Variants in DDC observed in about 807,000 individuals in gnomAD.
DDC encodes aromatic-L-amino-acid decarboxylase.
DDC carries 43 observed loss-of-function variants against 60.0 expected under a neutral mutation model. The observed-to-expected ratio is 0.72, with a 90% CI of 0.56 to 0.92. DDC has a LOEUF of 0.92. DDC is among the 40% of genes least tolerant of loss of function. DDC has a pLI of 0.00. For missense variants in DDC, 573 were observed against 620.2 expected, an observed-to-expected ratio of 0.92 and a Z score of 0.81; for synonymous variants, 232 against 234.6, an observed-to-expected ratio of 0.99 and a Z score of 0.10.
At chr7:50,498,429 T>C (rs2043172417) in intron 8 of DDC, among the ~76,000 whole-genome samples, 1 of 152,228 alleles carries the variant, frequency 6.6e-6, no homozygotes, top group African/African-American at 2.4e-5. Context: ...GGACCCTCTA[T>C]GGCATTCAAA....
chr7:50,529,874 C>T (rs2044148990), intron 4 of DDC, among the ~76,000 whole-genome samples: 2 of 152,212 alleles, frequency 1.3e-5, no homozygotes, highest in East Asian at 1.9e-4. Flanking sequence ...AGCCCTAACC[C>T]CCAGGACCTC....
chr7:50,495,456 T>A lies in DDC; in HGVS notation c.877-39A>T, dbSNP rs374077058. On this transcript the variant is annotated intron_variant, in intron 8 of 14. Coordinates refer to ENST00000444124, the MANE Select transcript of DDC (RefSeq NM_001082971.2). The stretch of plus-strand genomic sequence containing the variant: ...AGAGTAAGAAAAAGAAAACATTTTC[T>A]TTATAAATGTTTAATTATAAAGAAG... 25 of 1,444,284 alleles carry A rather than the reference T, an allele frequency of 1.7e-5. No individual in the cohort carries two copies. The African/African-American group carries it at 3.2e-4, about 19-fold the overall frequency. 89.5% of individuals were successfully genotyped at this position (1,444,284 alleles called of 1,614,324 possible).
intron 14 of DDC, among the ~76,000 whole-genome samples, 152 bp downstream of exon 14, chr7:50,463,061 C>T (rs2042318050): frequency 2.0e-5 from 3 of 152,244 alleles, no homozygotes; most frequent in Admixed American, 1.3e-4. Context: ...AGCCACCGCA[C>T]CCGGCCTTCT....
chr7:50,467,062 G>GGGGCA, intron 13 of DDC, 152 bp downstream of exon 13: 2 of 772,626 alleles, frequency 2.6e-6, no homozygotes, highest in South Asian at 1.4e-5. Flanking sequence ...TGTGTAGCAT[G>GGGGCA]GGGCAGGGCA....
intron 13 of DDC, among the ~76,000 whole-genome samples, chr7:50,464,126 T>C (rs554105890): frequency 7.9e-5 from 12 of 152,100 alleles, no homozygotes; most frequent in Admixed American, 6.5e-5. Context: ...AGTGACTCCA[T>C]GTCTTCTAAG....
At chr7:50,471,588 A>G (rs1036381380) in intron 11 of DDC, among the ~76,000 whole-genome samples, 2 of 152,086 alleles carry the variant, frequency 1.3e-5, no homozygotes, top group African/African-American at 2.4e-5. Context: ...GTGTTGACAC[A>G]TTATCTCCTT....
chr7:50,471,549 C>T (rs944083304), intron 11 of DDC, among the ~76,000 whole-genome samples: 2 of 152,082 alleles, frequency 1.3e-5, no homozygotes, highest in Non-Finnish European at 2.9e-5. Flanking sequence ...GTGTGGTTCC[C>T]CCCAGTTGCA....
At chr7:50,481,212 T>C (rs1041000542) in intron 9 of DDC, among the ~76,000 whole-genome samples, 1 of 152,242 alleles carries the variant, frequency 6.6e-6, no homozygotes, top group African/African-American at 2.4e-5. Flanking sequence ...GCCTTTATTT[T>C]TGTTTTAAGG....
intron 1 of DDC, among the ~76,000 whole-genome samples, chr7:50,553,278 G>GA (rs1258337861): frequency 1.3e-5 from 2 of 151,784 alleles, no homozygotes; most frequent in East Asian, 1.9e-4. Flanking sequence ...CCATCCTGAT[G>GA]AAAAAAATAG....
At chr7:50,513,797 C>T (rs186016640) in intron 6 of DDC, among the ~76,000 whole-genome samples, 253 of 152,220 alleles carry the variant, frequency 1.7e-3, no homozygotes, top group African/African-American at 5.4e-3. Context: ...TCACCCCCAT[C>T]CCCCACAGCA....
chr7:50,534,334 C>A (rs1001567742), intron 4 of DDC, among the ~76,000 whole-genome samples: 1 of 152,204 alleles, frequency 6.6e-6, no homozygotes, highest in Admixed American at 6.5e-5. Context: ...CTACAGCTCA[C>A]ACCTGTAATC....
intron 11 of DDC, 30 bp from the exon 12 acceptor site, chr7:50,470,201 T>G: frequency 6.7e-7 from 1 of 1,481,920 alleles, no homozygotes; most frequent in African/African-American, 1.4e-5. Context: ...AGACCATCAG[T>G]GAGGAAGATA....
Position 50,518,088 on chromosome 7 carries a change from G to C in DDC, c.714+10049C>G, listed in dbSNP as rs1207807540. Among the ~76,000 whole-genome samples, 3 of 151,824 alleles carry C rather than the reference G, an allele frequency of 2.0e-5. No homozygotes were observed. The East Asian group carries it at 5.8e-4, about 29-fold the overall frequency. On this transcript the variant is annotated intron_variant, in intron 6 of 14. Coordinates refer to ENST00000444124, the MANE Select transcript of DDC (RefSeq NM_001082971.2). ...TAGCCAGGCGTGGTGGCAAGTGCCTGTAGTCCCAGCTACTCAGGAGGCTGA... is the reference window on the plus strand; with the variant it reads ...TAGCCAGGCGTGGTGGCAAGTGCCTCTAGTCCCAGCTACTCAGGAGGCTGA...
chr7:50,514,219 A>G (rs1258742303), intron 6 of DDC, among the ~76,000 whole-genome samples: 1 of 152,216 alleles, frequency 6.6e-6, no homozygotes, highest in African/African-American at 2.4e-5. Context: ...CCAGACCCAG[A>G]AAAGAGACAA....
At chr7:50,482,519 G>A (rs2153536729) in intron 9 of DDC, among the ~76,000 whole-genome samples, 1 of 152,234 alleles carries the variant, frequency 6.6e-6, no homozygotes, top group Non-Finnish European at 1.5e-5. Flanking sequence ...GAGTTCAGTC[G>A]TGGTTACTTT....
chr7:50,498,626 C>T (rs549772846), intron 8 of DDC, among the ~76,000 whole-genome samples: 1 of 152,338 alleles, frequency 6.6e-6, no homozygotes, highest in Non-Finnish European at 1.5e-5. Flanking sequence ...TTGATTGCTA[C>T]TTCTCAAAAG....
chr7:50,526,371 C>T (rs1488712655), intron 6 of DDC, among the ~76,000 whole-genome samples: 5 of 152,066 alleles, frequency 3.3e-5, no homozygotes, highest in Non-Finnish European at 1.5e-5. Flanking sequence ...AGTGAAGGCA[C>T]AGTAAAGACA....
intron 1 of DDC, among the ~76,000 whole-genome samples, chr7:50,549,377 G>A (rs1208995570): frequency 6.6e-6 from 1 of 152,208 alleles, no homozygotes; most frequent in Non-Finnish European, 1.5e-5. Context: ...TGTGGGCCGG[G>A]CGCAGTGGCT....
chr7:50,473,648 AT>A (rs1278371460), intron 11 of DDC, among the ~76,000 whole-genome samples: 1 of 152,024 alleles, frequency 6.6e-6, no homozygotes, highest in African/African-American at 2.4e-5. Context: ...GGTGCTTCCC[AT>A]CTGCCTGGGT....
Sources: gnomAD v4.1 joint callset for allele counts (sites outside exome capture counted in the v4.1 genomes callset) on GRCh38, gnomAD v4.1.1 for gene constraint, MANE v1.5 for transcripts, NCBI Gene and HGNC (gene_info 2026-07-23, HGNC 2026-07-21) for gene names.